Variants in LRRC9 observed in about 807,000 individuals in gnomAD.
LRRC9 encodes leucine-rich repeat-containing protein 9.
Under a neutral mutation model 63.2 loss-of-function variants are expected in LRRC9, and 122 were observed. The ratio of observed to expected loss-of-function variants is 1.93; its 90% CI spans 1.67 to 2.24. The LOEUF is 2.24. Among genes scored for constraint, LRRC9 ranks in the 30% most tolerant of loss-of-function variants. LRRC9 has a pLI of 0.00. For missense variants in LRRC9, 1,071 were observed against 627.7 expected, an observed-to-expected ratio of 1.71 and a Z score of -7.55; for synonymous variants, 366 against 213.1, an observed-to-expected ratio of 1.72 and a Z score of -6.25.
At chr14:59,956,765 G>C (rs907218251) in intron 8 of LRRC9, among the ~76,000 whole-genome samples, 1 of 152,196 alleles carries the variant, frequency 6.6e-6, no homozygotes, top group Admixed American at 6.5e-5. Context: ...TGTTTTTGCT[G>C]TGGATGGTAC....
chr14:59,930,342 TAACTC>T lies in LRRC9; in HGVS notation c.268-573_268-569del, dbSNP rs1018847209. Among the ~76,000 whole-genome samples the T allele has an allele frequency of 2.6e-5, 4 of 152,018 alleles. No homozygotes were observed. The highest frequency in any genetic ancestry group is 6.6e-5 in the Admixed American group (1 of 15,218). On this transcript the variant is annotated intron_variant, in intron 3 of 31. Coordinates refer to ENST00000445360, the Ensembl canonical transcript of LRRC9. This position sits in a 1 kb window ranked among gnomAD's most constrained non-coding sequence, Gnocchi z 4.9. ...CACTAAGATTTTATCCTAGAAAAGT[TAACTC>T]AATAGCAGAAAACAACCATATGCAC...
chr14:59,934,935 T>C (rs1890010237), intron 6 of LRRC9, among the ~76,000 whole-genome samples: 1 of 152,012 alleles, frequency 6.6e-6, no homozygotes, highest in African/African-American at 2.4e-5. Flanking sequence ...TCCACATGAC[T>C]AGTAGATTCA....
At chr14:60,000,886 G>A (rs1256631268) in intron 19 of LRRC9, among the ~76,000 whole-genome samples, 1 of 151,996 alleles carries the variant, frequency 6.6e-6, no homozygotes, top group African/African-American at 2.4e-5. Flanking sequence ...AATATATAAG[G>A]AAAAAGACAA....
At chr14:60,011,201 G>A (rs1890233002) in intron 23 of LRRC9, among the ~76,000 whole-genome samples, 1 of 152,162 alleles carries the variant, frequency 6.6e-6, no homozygotes, top group South Asian at 2.1e-4. Flanking sequence ...GCAGATGAAG[G>A]AAGAGCAAAA....
chr14:59,985,119 T>C (rs1347978629), exon 17 of LRRC9: 7 of 680,302 alleles, frequency 1.0e-5, no homozygotes, highest in East Asian at 2.7e-5. Context: ...TGAATCTACA[T>C]GGAAACAGCT....
At chr14:59,955,234 G>C (rs1336966667) in intron 8 of LRRC9, among the ~76,000 whole-genome samples, 3 of 152,170 alleles carry the variant, frequency 2.0e-5, no homozygotes, top group Non-Finnish European at 2.9e-5. Flanking sequence ...GTTCCTCTTT[G>C]TACCTCTGAT....
intron 8 of LRRC9, among the ~76,000 whole-genome samples, chr14:59,946,602 C>A (rs1882435743): frequency 6.8e-6 from 1 of 146,354 alleles, no homozygotes; most frequent in African/African-American, 2.5e-5. Context: ...GTGCGCTGCA[C>A]CCACTAACTC....
In LRRC9 at chr14:60,031,975, A is replaced by G; in HGVS notation, c.3922-20A>G. ...GTTGAGTCTAACCAAATAATAACTT[A>G]CTGATTAACTTTTGAATAGGATATC... is the stretch of plus-strand genomic sequence containing the variant. On this transcript the variant is annotated intron_variant, in intron 28 of 31. Coordinates refer to ENST00000445360, the Ensembl canonical transcript of LRRC9. This position sits in a 1 kb window ranked among gnomAD's most constrained non-coding sequence, Gnocchi z 4.6. 1.4e-6 allele frequency: 1 copy of G among 695,808 alleles called. No homozygotes were observed. The highest frequency in any genetic ancestry group is 1.5e-5 in the South Asian group (1 of 65,864). 43.1% of individuals were successfully genotyped at this position (695,808 alleles called of 1,614,324 possible).
intron 7 of LRRC9, among the ~76,000 whole-genome samples, chr14:59,941,938 C>T (rs1024495570): frequency 6.6e-6 from 1 of 152,146 alleles, no homozygotes; most frequent in Non-Finnish European, 1.5e-5. Context: ...CCTTAACCAA[C>T]CTTTCTCCCC....
At chr14:60,005,386 C>T (rs2140224833) in intron 21 of LRRC9, among the ~76,000 whole-genome samples, 1 of 152,180 alleles carries the variant, frequency 6.6e-6, no homozygotes, top group African/African-American at 2.4e-5. Context: ...ACCCTATTTC[C>T]TTTTCATTTC....
exon 8 of LRRC9, chr14:59,944,658 G>A (rs1882149927): frequency 6.0e-6 from 4 of 667,826 alleles, no homozygotes; most frequent in South Asian, 3.4e-5. Context: ...TCTTAAAGAA[G>A]ACCTTGAAAA....
intron 5 of LRRC9, 142 bp from the exon 6 acceptor site, chr14:59,931,827 C>G: frequency 1.6e-6 from 1 of 606,980 alleles, no homozygotes. Context: ...AAATATTACT[C>G]ATTAATCAGT....
Position 60,042,327 on chromosome 14 carries a change from A to G in LRRC9, c.3990+10264A>G, listed in dbSNP as rs565171119. On this transcript the variant is annotated intron_variant, in intron 29 of 31. Transcript: ENST00000445360. The surrounding 1 kb of genome is among the most constrained non-coding windows in gnomAD (Gnocchi z 4.2). Reference sequence around the variant, plus strand: ...CAGAAGTTTCTGCTGCCTGTTGTTCAGCTATGCCCTGCCCCCAGAGGTGGA... The same window carrying G: ...CAGAAGTTTCTGCTGCCTGTTGTTCGGCTATGCCCTGCCCCCAGAGGTGGA... 9.5e-3 allele frequency among the ~76,000 whole-genome samples: 1,448 copies of G among 152,322 alleles called. 26 individuals are homozygous for G. The highest frequency in any genetic ancestry group is 0.033 in the African/African-American group (1,370 of 41,576).
intron 7 of LRRC9, among the ~76,000 whole-genome samples, chr14:59,941,021 GTCT>G (rs1881701503): frequency 6.6e-6 from 1 of 151,608 alleles, no homozygotes; most frequent in South Asian, 2.1e-4. Flanking sequence ...TTATAAAATA[GTCT>G]TCCCTCTTTC....
At chr14:60,039,765 C>T (rs1892779877) in intron 29 of LRRC9, among the ~76,000 whole-genome samples, 2 of 152,076 alleles carry the variant, frequency 1.3e-5, no homozygotes, top group African/African-American at 4.8e-5. Flanking sequence ...CTATCTCCTT[C>T]ATTTCTGCTC....
At position 60,060,708 on chromosome 14, in the gene LRRC9, T is replaced by C. The variant is rs182415191; in HGVS notation, c.4277-2615T>C. Among the ~76,000 whole-genome samples the C allele has an allele frequency of 3.6e-3, 545 of 152,230 alleles. 5 individuals carry two copies. The highest frequency in any genetic ancestry group is 0.013 in the African/African-American group (522 of 41,528). On this transcript the variant is annotated intron_variant, in intron 31 of 31. Transcript: ENST00000445360. This position sits in a 1 kb window ranked among gnomAD's most constrained non-coding sequence, Gnocchi z 4.0. ...GTGAACCGAGATCGCGCCACTGCTC[T>C]CCAGCCTGGGTGACAGAGCAAGACT...
At chr14:59,982,165 A>G (rs970505012) in intron 16 of LRRC9, 105 bp downstream of exon 16, 28 of 613,872 alleles carry the variant, frequency 4.6e-5, no homozygotes, top group Non-Finnish European at 7.8e-5. Context: ...TGATGATGCC[A>G]GGTACAATGC....
intron 17 of LRRC9, among the ~76,000 whole-genome samples, chr14:59,988,327 G>T (rs1887694559): frequency 6.6e-6 from 1 of 152,218 alleles, no homozygotes; most frequent in South Asian, 2.1e-4. Context: ...TGTTGGAAGG[G>T]ATATGAATAT....
chr14:60,065,371 G>A (rs759101371), downstream of LRRC9, among the ~76,000 whole-genome samples: 4 of 151,668 alleles, frequency 2.6e-5, no homozygotes, highest in Non-Finnish European at 4.4e-5. Context: ...CACCACGCCA[G>A]GTGCAGTGGT....
Sources: gnomAD v4.1 joint callset for allele counts (sites outside exome capture counted in the v4.1 genomes callset) on GRCh38, gnomAD v4.1.1 for gene constraint, Gnocchi (gnomAD v3.1) non-coding constraint, MANE v1.5 for transcripts, NCBI Gene and HGNC (gene_info 2026-07-23, HGNC 2026-07-21) for gene names.